DHTKD1: variants seen among roughly 807,000 people sequenced by gnomAD.
The protein encoded by DHTKD1 is dehydrogenase E1 and transketolase domain containing 1, also known as 2-oxoadipate dehydrogenase complex component E1.
Under a neutral mutation model 101.8 loss-of-function variants are expected in DHTKD1, and 78 were observed. The ratio of observed to expected loss-of-function variants is 0.77; its 90% CI spans 0.64 to 0.93. The LOEUF is 0.93. Ranked by LOEUF, DHTKD1 falls within the 40% of genes least tolerant of loss-of-function variation. The pLI is 0.00. For synonymous variants in DHTKD1, 462 were observed against 450.3 expected, an observed-to-expected ratio of 1.03 and a Z score of -0.33; for missense variants, 1,223 against 1,161.7, an observed-to-expected ratio of 1.05 and a Z score of -0.77.
intron 12 of DHTKD1, among the ~76,000 whole-genome samples, chr10:12,111,946 G>T (rs1423736864): frequency 2.0e-5 from 3 of 152,120 alleles, no homozygotes; most frequent in Non-Finnish European, 2.9e-5. Context: ...GGAACAGGCA[G>T]AAAGTGGGGA....
At chr10:12,114,588 G>A (rs1039031216) in intron 13 of DHTKD1, among the ~76,000 whole-genome samples, 7 of 151,080 alleles carry the variant, frequency 4.6e-5, no homozygotes, top group African/African-American at 1.7e-4. Context: ...GAGCCACCGT[G>A]CCCGGCCGGG....
chr10:12,119,567 G>T (rs1379713066), intron 15 of DHTKD1, among the ~76,000 whole-genome samples: 3 of 144,018 alleles, frequency 2.1e-5, no homozygotes, highest in Non-Finnish European at 4.5e-5. Flanking sequence ...AGTGAGCCGA[G>T]ATTGCGCTAC....
In DHTKD1 at chr10:12,103,080, G is replaced by A. The variant is rs552416101; in HGVS notation, c.1896+1899G>A. 3.3e-5 allele frequency among the ~76,000 whole-genome samples: 5 copies of A among 152,074 alleles called. No homozygotes were observed. Among genetic ancestry groups the A allele is most frequent in the East Asian group, 1.9e-4 (1 of 5,146 alleles). On this transcript the variant is annotated intron_variant, in intron 10 of 16. Transcript: ENST00000263035. The surrounding 1 kb of genome is among the most constrained non-coding windows in gnomAD (Gnocchi z 4.8). Reference sequence around the variant, plus strand: ...TCTACTAAAAATACAAAAATTAGTCGGGCATGGTGGCACACGCCTGTAATC... The same window carrying A: ...TCTACTAAAAATACAAAAATTAGTCAGGCATGGTGGCACACGCCTGTAATC...
chr10:12,106,193 G>T lies in DHTKD1; in HGVS notation c.1897-53G>T, dbSNP rs546303135. ...CCTTCGATAAGTTCGCAGGAGCCCA[G>T]TGCTCTGCCGTGGCCCTCACATGCA... On this transcript the variant is annotated intron_variant, in intron 10 of 16. Transcript: ENST00000263035. 5.0e-6 allele frequency: 8 copies of T among 1,602,972 alleles called. No homozygotes were observed. In the South Asian group the frequency reaches 8.8e-5, roughly 18 times the overall value.
At chr10:12,098,788 C>T (rs1264546445) in intron 8 of DHTKD1, among the ~76,000 whole-genome samples, 1 of 152,168 alleles carries the variant, frequency 6.6e-6, no homozygotes, top group Non-Finnish European at 1.5e-5. Flanking sequence ...TGGTCTTGAA[C>T]TCCTGACCTC....
rs1297297102 is a variant in DHTKD1, at chr10:12,118,210, AAGTC to A, written c.2402+459_2402+462del. Among the ~76,000 whole-genome samples the A allele has an allele frequency of 2.0e-5, 3 of 151,456 alleles. No homozygotes were observed. In the Middle Eastern group the frequency reaches 0.01, roughly 519 times the overall value. Reference sequence around the variant, plus strand: ...TGGCCTCCTCTATCCTAAGTCCTTTAAGTCAGTGGAGTATGAGTTAAGTGTGGGT... The same window carrying A: ...TGGCCTCCTCTATCCTAAGTCCTTTAAGTGGAGTATGAGTTAAGTGTGGGT... On this transcript the variant is annotated intron_variant, in intron 14 of 16. Transcript: ENST00000263035.
chr10:12,113,123 T>C (rs1178273214), intron 13 of DHTKD1, 59 bp downstream of exon 13: 2 of 1,400,586 alleles, frequency 1.4e-6, no homozygotes, highest in Middle Eastern at 1.8e-4. Context: ...ACTCCATTTT[T>C]CCCTATTTTC....
At chr10:12,095,627 C>A (rs1376995013) in intron 7 of DHTKD1, among the ~76,000 whole-genome samples, 1 of 151,916 alleles carries the variant, frequency 6.6e-6, no homozygotes, top group Non-Finnish European at 1.5e-5. Context: ...TCCTGACTAA[C>A]ACGGTGAAAC....
intron 10 of DHTKD1, among the ~76,000 whole-genome samples, chr10:12,104,646 T>G (rs1833218104): frequency 6.6e-6 from 1 of 152,118 alleles, no homozygotes. Flanking sequence ...CAGGCTGGAG[T>G]GTAGTGATGC....
intron 10 of DHTKD1, among the ~76,000 whole-genome samples, chr10:12,102,242 G>T (rs893395897): frequency 2.0e-5 from 3 of 151,834 alleles, no homozygotes; most frequent in Non-Finnish European, 4.4e-5. Context: ...TGGCCAAAAT[G>T]GTGAAACCCC....
In DHTKD1 at chr10:12,120,678, A is replaced by G. The variant is rs954728456; in HGVS notation, c.2659-109A>G. ...CGTAACTCATTATTTGAAAGAGGTG[A>G]TTTATGGTTAAACAAGCTAAGAGAA... On this transcript the variant is annotated intron_variant, in intron 16 of 16. Transcript: ENST00000263035. 102 of 933,394 alleles carry G rather than the reference A, an allele frequency of 1.1e-4. 2 individuals are homozygous for G. The South Asian group carries it at 1.4e-3, about 13-fold the overall frequency. 57.8% of individuals were successfully genotyped at this position (933,394 alleles called of 1,614,324 possible).
chr10:12,098,941 T>C (rs540663929), intron 8 of DHTKD1, among the ~76,000 whole-genome samples: 1 of 152,206 alleles, frequency 6.6e-6, no homozygotes, highest in East Asian at 1.9e-4. Context: ...AAGGCCAAGG[T>C]GGAAGGATTG....
chr10:12,081,729 C>T, intron 2 of DHTKD1, 102 bp downstream of exon 2: 2 of 1,384,966 alleles, frequency 1.4e-6, no homozygotes, highest in Non-Finnish European at 2.0e-6. Flanking sequence ...GCTGAGGCTC[C>T]CGCAGGTGTG....
In DHTKD1 at chr10:12,103,482, C is replaced by T. The variant is rs72779644; in HGVS notation, c.1896+2301C>T. On this transcript the variant is annotated intron_variant, in intron 10 of 16. Transcript: ENST00000263035. The surrounding 1 kb of genome is among the most constrained non-coding windows in gnomAD (Gnocchi z 4.8). Reference sequence around the variant, plus strand: ...GTGTTTTTCCCCCAACTTCGTTGTACATCTCAATCTGTGTGTGTGTGTGTG... The same window carrying T: ...GTGTTTTTCCCCCAACTTCGTTGTATATCTCAATCTGTGTGTGTGTGTGTG... Among the ~76,000 whole-genome samples, 10,220 of 128,910 alleles carry T rather than the reference C, an allele frequency of 0.079. 439 individuals are homozygous for T. Among genetic ancestry groups the T allele is most frequent in the Non-Finnish European group, 0.11 (6,945 of 60,674 alleles). 84.6% of individuals were successfully genotyped at this position (128,910 alleles called of 152,430 possible).
rs1247439394 is a variant in DHTKD1 at position 12,103,173 on chromosome 10, T to G, written c.1896+1992T>G. On this transcript the variant is annotated intron_variant, in intron 10 of 16. Transcript: ENST00000263035. This position sits in a 1 kb window ranked among gnomAD's most constrained non-coding sequence, Gnocchi z 4.8. ...AGGAGGCAGAGGTAGTGAGCGGAGA[T>G]CATACCACTGCCCTCCAGTTTGGGC... Among the ~76,000 whole-genome samples the G allele has an allele frequency of 6.6e-6, 1 of 152,062 alleles. No individual in the cohort carries two copies. The highest frequency in any genetic ancestry group is 1.5e-5 in the Non-Finnish European group (1 of 68,012).
rs779425467 is a variant in DHTKD1 at position 12,106,380 on chromosome 10, C to T, written c.2031C>T (p.Asp677=). ...DFFNGAQIIF[D]TFISGGEAKW... Reference sequence around the variant, plus strand: ...TCAATGGTGCCCAGATCATCTTTGACACATTCATCTCTGGAGGTTGGTGTC... The same window carrying T: ...TCAATGGTGCCCAGATCATCTTTGATACATTCATCTCTGGAGGTTGGTGTC... Residue 677 remains aspartate, a synonymous_variant, in exon 11 of 17, where the codon GAC becomes GAT. Coordinates refer to ENST00000263035, the MANE Select transcript of DHTKD1 (RefSeq NM_018706.7). The T allele has an allele frequency of 1.6e-5, 26 of 1,614,210 alleles. No homozygotes were observed. The highest frequency in any genetic ancestry group is 1.6e-4 in the Middle Eastern group (1 of 6,062).
At position 12,103,296 on chromosome 10, in the gene DHTKD1, C is replaced by G. The variant is rs72779643; in HGVS notation, c.1896+2115C>G. Among the ~76,000 whole-genome samples, 12 of 152,084 alleles carry G rather than the reference C, an allele frequency of 7.9e-5. No homozygotes were observed. In the East Asian group the frequency reaches 2.3e-3, roughly 30 times the overall value. ...ACCCTGGGAGAAACTCCTGCTTGATCTTGGTAGTGAGAGTAGCTATATTTT... is the reference window on the plus strand; with the variant it reads ...ACCCTGGGAGAAACTCCTGCTTGATGTTGGTAGTGAGAGTAGCTATATTTT... On this transcript the variant is annotated intron_variant, in intron 10 of 16. Coordinates refer to ENST00000263035, the MANE Select transcript of DHTKD1 (RefSeq NM_018706.7). This position sits in a 1 kb window ranked among gnomAD's most constrained non-coding sequence, Gnocchi z 4.8.
chr10:12,112,923 G>A lies in DHTKD1; in HGVS notation c.2178G>A (p.Gly726=). The A allele has an allele frequency of 1.2e-6, 2 of 1,609,992 alleles. No individual in the cohort carries two copies. The highest frequency in any genetic ancestry group is 8.5e-7 in the Non-Finnish European group (1 of 1,178,330). The part of the protein sequence containing the change: ...FLQMCDSAEE[G]VDGDTVNMFV... ...AGATGTGTGACAGTGCGGAAGAGGG[G>A]GTGGACGGAGACACTGTGAACATGT... The change falls in exon 13 of 17, where the codon GGG becomes GGA. Residue 726 remains glycine (G), a synonymous_variant. Coordinates refer to ENST00000263035, the MANE Select transcript of DHTKD1 (RefSeq NM_018706.7).
Position 12,118,738 on chromosome 10 carries a change from C to T in DHTKD1, c.2403-11C>T. The T allele has an allele frequency of 6.7e-7, 1 of 1,494,002 alleles. No individual in the cohort carries two copies. The allele number at this position is 1,494,002 out of a possible 1,614,324, so 92.5% of individuals were successfully genotyped here. ...TCTCCCCCACCCTATTGTTCCTTTT[C>T]TGTCCAACAGGGTTAAGACCCTCGT... On this transcript the variant is annotated splice_polypyrimidine_tract_variant and intron_variant, in intron 14 of 16. Transcript: ENST00000263035.
Sources: gnomAD v4.1 joint callset for allele counts (sites outside exome capture counted in the v4.1 genomes callset) on GRCh38, gnomAD v4.1.1 for gene constraint, Gnocchi (gnomAD v3.1) non-coding constraint, MANE v1.5 for transcripts, NCBI Gene and HGNC (gene_info 2026-07-23, HGNC 2026-07-21) for gene names.